Variants in PVT1 observed in about 807,000 individuals in gnomAD.
PVT1 encodes Pvt1 oncogene, also known as CXCR4/PVT1 fusion.
chr8:127,987,640 G>T (rs923850466), intron 3 of PVT1, among the ~76,000 whole-genome samples: 8 of 152,216 alleles, frequency 5.3e-5, no homozygotes, highest in African/African-American at 1.9e-4. Flanking sequence ...ATGAGAAACT[G>T]AGGCTCAGAG....
chr8:127,838,619 C>T (rs1229414697), intron 2 of PVT1, among the ~76,000 whole-genome samples: 1 of 152,184 alleles, frequency 6.6e-6, no homozygotes, highest in Non-Finnish European at 1.5e-5. Flanking sequence ...ACAGGAGAAT[C>T]ACTTGAACTC....
chr8:128,031,511 A>AG (rs1813388189), intron 4 of PVT1, among the ~76,000 whole-genome samples: 1 of 152,192 alleles, frequency 6.6e-6, no homozygotes, highest in South Asian at 2.1e-4. Context: ...TTAACCTGGA[A>AG]GCTAAGCAAG....
chr8:127,949,484 T>C (rs565918373), intron 3 of PVT1, among the ~76,000 whole-genome samples: 14 of 151,034 alleles, frequency 9.3e-5, no homozygotes, highest in African/African-American at 3.2e-4. Context: ...CCTCCTGTTT[T>C]TGGGAGGGAG....
chr8:127,943,351 G>A (rs906723955), intron 3 of PVT1, among the ~76,000 whole-genome samples: 5 of 152,128 alleles, frequency 3.3e-5, no homozygotes, highest in South Asian at 2.1e-4. Context: ...AAAATTAGTC[G>A]TGCTCAGTTT....
chr8:128,065,198 T>A (rs976355138), intron 4 of PVT1, among the ~76,000 whole-genome samples: 16 of 147,126 alleles, frequency 1.1e-4, no homozygotes, highest in African/African-American at 3.5e-4. Flanking sequence ...TTTTTATTTT[T>A]TATTTTTTTT....
At chr8:127,873,178 G>A (rs548360739) in intron 2 of PVT1, among the ~76,000 whole-genome samples, 3 of 152,266 alleles carry the variant, frequency 2.0e-5, no homozygotes, top group Admixed American at 2.0e-4. Flanking sequence ...GTCCTCCTGC[G>A]AGTTTTAGAG....
chr8:127,935,020 G>A (rs1816255295), intron 3 of PVT1, among the ~76,000 whole-genome samples: 1 of 152,072 alleles, frequency 6.6e-6, no homozygotes, highest in South Asian at 2.1e-4. Context: ...TGCCCAGGCT[G>A]GAGTGTAATG....
rs559399562 is a variant in PVT1 at position 127,814,331 on chromosome 8, G to T, written n.372+18260G>T. ...CAGAATCCAGGAGCCTGCCTGACGC[G>T]TCAGCCGGGGAGGGTTTCTGTGTGA... is the stretch of plus-strand genomic sequence containing the variant. On this transcript the variant is annotated intron_variant and non_coding_transcript_variant, in intron 2 of 10. Coordinates refer to ENST00000651587, the Ensembl canonical transcript of PVT1. 2.6e-5 allele frequency among the ~76,000 whole-genome samples: 4 copies of T among 152,334 alleles called. No homozygotes were observed. In the South Asian group the frequency reaches 6.2e-4, roughly 24 times the overall value.
intron 3 of PVT1, among the ~76,000 whole-genome samples, chr8:127,892,554 G>A (rs977667272): frequency 9.2e-5 from 14 of 152,174 alleles, no homozygotes; most frequent in African/African-American, 3.4e-4. Flanking sequence ...AGCGCCTGGA[G>A]GCTCTGAGGG....
intron 3 of PVT1, among the ~76,000 whole-genome samples, chr8:127,930,851 A>G (rs1421887880): frequency 6.6e-6 from 1 of 152,148 alleles, no homozygotes; most frequent in East Asian, 1.9e-4. Context: ...ATGAATTTCA[A>G]GGTTTTGTTA....
At chr8:128,059,239 A>T (rs902241184) in intron 4 of PVT1, among the ~76,000 whole-genome samples, 5 of 152,038 alleles carry the variant, frequency 3.3e-5, no homozygotes. Flanking sequence ...TTTGAATGAG[A>T]TATGGCAGGG....
At position 128,036,406 on chromosome 8, in the gene PVT1, A is replaced by G. The variant is rs75322786; in HGVS notation, n.913-33754A>G. Among the ~76,000 whole-genome samples, 441 of 152,284 alleles carry G rather than the reference A, an allele frequency of 2.9e-3. 4 individuals carry two copies. The highest frequency in any genetic ancestry group is 8.8e-3 in the African/African-American group (367 of 41,570). On this transcript the variant is annotated intron_variant and non_coding_transcript_variant, in intron 4 of 10. Coordinates refer to ENST00000651587, the Ensembl canonical transcript of PVT1. The stretch of plus-strand genomic sequence containing the variant: ...CTCGTCATCGACAGGAAGGCACTGG[A>G]TGCTGGAGAACCTCTCCACAGGGAT...
At chr8:127,840,232 C>T (rs1170464971) in intron 2 of PVT1, among the ~76,000 whole-genome samples, 3 of 152,142 alleles carry the variant, frequency 2.0e-5, no homozygotes, top group Non-Finnish European at 2.9e-5. Flanking sequence ...ATCAGGAGAA[C>T]GTCTTTCTCT....
intron 2 of PVT1, among the ~76,000 whole-genome samples, chr8:127,860,144 G>T (rs1325759192): frequency 6.6e-6 from 1 of 152,184 alleles, no homozygotes; most frequent in Non-Finnish European, 1.5e-5. Flanking sequence ...GGGCTGCTCT[G>T]TGAAGAGAAC....
intron 3 of PVT1, among the ~76,000 whole-genome samples, chr8:127,943,068 C>A (rs56869214): frequency 0.039 from 5,921 of 152,204 alleles, 387 homozygotes; most frequent in African/African-American, 0.13. Flanking sequence ...AGAGAATGTG[C>A]TGTTGTAGGG....
At chr8:128,024,589 T>C (rs541347989) in intron 4 of PVT1, among the ~76,000 whole-genome samples, 1 of 152,012 alleles carries the variant, frequency 6.6e-6, no homozygotes, top group Non-Finnish European at 1.5e-5. Flanking sequence ...ATTGTGTCAC[T>C]GCACTCCAGC....
intron 4 of PVT1, among the ~76,000 whole-genome samples, chr8:128,050,477 A>C (rs550075381): frequency 2.0e-5 from 3 of 152,114 alleles, no homozygotes; most frequent in Non-Finnish European, 4.4e-5. Context: ...TTATGTGGGG[A>C]ATCAGTTCTG....
At chr8:127,844,656 C>G (rs1192592916) in intron 2 of PVT1, among the ~76,000 whole-genome samples, 2 of 152,034 alleles carry the variant, frequency 1.3e-5, no homozygotes, top group African/African-American at 2.4e-5. Context: ...CTGTCTCATC[C>G]ACTCGACTGA....
intron 3 of PVT1, among the ~76,000 whole-genome samples, chr8:127,906,817 A>G (rs932271639): frequency 6.6e-6 from 1 of 152,204 alleles, no homozygotes; most frequent in Non-Finnish European, 1.5e-5. Context: ...CAGGATTTAA[A>G]TATTTCTCTC....
Sources: allele counts gnomAD v4.1 joint callset (sites outside exome capture counted in the v4.1 genomes callset), GRCh38; gene constraint gnomAD v4.1.1; transcripts MANE v1.5; gene names NCBI Gene and HGNC (gene_info 2026-07-23, HGNC 2026-07-21).